Variants in C11orf54 observed in about 807,000 individuals in gnomAD.
C11orf54 encodes beta-keto-L-gulonate decarboxylase.
C11orf54 carries 29 observed loss-of-function variants against 35.5 expected under a neutral mutation model. The observed-to-expected ratio is 0.82, with a 90% confidence interval of 0.61 to 1.11. The LOEUF (loss-of-function observed/expected upper bound fraction) is 1.11, where lower values mean the gene tolerates loss of function less well. Ranked by LOEUF, C11orf54 falls within the 50% of genes most tolerant of loss-of-function variation. The pLI is 0.00. For synonymous variants in C11orf54, 108 were observed against 121.1 expected, an observed-to-expected ratio of 0.89 and a Z score of 0.71; for missense variants, 373 against 369.2, an observed-to-expected ratio of 1.01 and a Z score of -0.08.
intron 7 of C11orf54, among the ~76,000 whole-genome samples, chr11:93,759,430 G>A (rs1565274823): frequency 6.6e-6 from 1 of 152,262 alleles, no homozygotes; most frequent in Admixed American, 6.5e-5. Flanking sequence ...TCACTCATAA[G>A]TGGGTTGTTG....
intron 1 of C11orf54, among the ~76,000 whole-genome samples, chr11:93,743,393 C>T (rs1208029066): frequency 6.6e-6 from 1 of 152,218 alleles, no homozygotes; most frequent in Non-Finnish European, 1.5e-5. Context: ...TCCTCTGACC[C>T]CTTCGTGGGT....
rs968647432 is a variant in C11orf54 at position 93,764,027 on chromosome 11, T to A, written c.*2339T>A. On this transcript the variant is annotated 3_prime_UTR_variant, in exon 9 of 9. Transcript: ENST00000354421. ...TTTTTTTAAAGAGATGGTGTCTCAC[T>A]ATGTTGCCCAGGCTGGGCTCAAGTC... 3 of 152,198 alleles carry A rather than the reference T, an allele frequency of 2.0e-5. No homozygotes were observed. Among genetic ancestry groups the A allele is most frequent in the Admixed American group, 6.5e-5 (1 of 15,276 alleles). The allele number at this position is 152,198 out of a possible 1,614,324, so 9.4% of individuals were successfully genotyped here. A position where few individuals can be genotyped will look rare whatever the true frequency, so the allele number is the denominator to read the frequency against.
At chr11:93,748,451 T>C (rs1212039054) in intron 2 of C11orf54, among the ~76,000 whole-genome samples, 1 of 152,148 alleles carries the variant, frequency 6.6e-6, no homozygotes, top group East Asian at 1.9e-4. Context: ...CTTGGCCAGA[T>C]TTTTTCTTTG....
intron 2 of C11orf54, among the ~76,000 whole-genome samples, chr11:93,749,429 A>G (rs1403301151): frequency 6.7e-6 from 1 of 149,628 alleles, no homozygotes; most frequent in African/African-American, 2.4e-5. Context: ...TGAGTGAGCC[A>G]AGATCATGCT....
intron 2 of C11orf54, 129 bp from the exon 3 acceptor site, chr11:93,750,217 C>T: frequency 1.6e-6 from 1 of 641,664 alleles, no homozygotes; most frequent in Non-Finnish European, 2.7e-6. Context: ...ATTAATAAGA[C>T]CATTTCCCCC....
At chr11:93,745,684 TTATA>T (rs1346356745) in intron 1 of C11orf54, 1 of 152,258 alleles carries the variant, frequency 6.6e-6, no homozygotes, top group African/African-American at 2.4e-5. Context: ...TTAAGTATGA[TTATA>T]TAAGATTTGG....
chr11:93,760,598 C>T (rs1245026859), intron 8 of C11orf54, among the ~76,000 whole-genome samples: 2 of 152,162 alleles, frequency 1.3e-5, no homozygotes, highest in East Asian at 3.9e-4. Context: ...ATACTATACG[C>T]TAGAAAAAAT....
intron 3 of C11orf54, among the ~76,000 whole-genome samples, chr11:93,753,256 C>T (rs892271014): frequency 1.3e-5 from 2 of 152,148 alleles, no homozygotes; most frequent in African/African-American, 4.8e-5. Flanking sequence ...GGATTGCAGG[C>T]GTGAGCCACC....
Position 93,747,311 on chromosome 11 carries a change from A to T in C11orf54, c.-83A>T. The T allele has an allele frequency of 1.9e-6, 2 of 1,052,280 alleles. No individual in the cohort carries two copies. The highest frequency in any genetic ancestry group is 2.7e-6 in the Non-Finnish European group (2 of 728,804). 65.2% of individuals were successfully genotyped at this position (1,052,280 alleles called of 1,614,324 possible). On this transcript the variant is annotated 5_prime_UTR_variant, in exon 2 of 9. Transcript: ENST00000354421. ...TTCATTTCCAGAACAGAAACTGTTC[A>T]TACTTGGTGCGCTGTGGACTCTTGT...
intron 7 of C11orf54, among the ~76,000 whole-genome samples, chr11:93,758,189 A>G (rs544307447): frequency 1.3e-5 from 2 of 152,140 alleles, no homozygotes; most frequent in African/African-American, 2.4e-5. Flanking sequence ...GGCTGAGGCT[A>G]CACACTCTAT....
chr11:93,742,124 T>G (rs1009236713), intron 1 of C11orf54: 1 of 153,932 alleles, frequency 6.5e-6, no homozygotes, highest in African/African-American at 2.4e-5. Flanking sequence ...CTCCCAGGAG[T>G]TGGCTAACAT....
At position 93,747,266 on chromosome 11, in the gene C11orf54, A is replaced by G. The variant is rs184882590; in HGVS notation, c.-97-31A>G. 232 of 590,774 alleles carry G rather than the reference A, an allele frequency of 3.9e-4. No individual in the cohort carries two copies. The East Asian group carries it at 6.8e-3, about 17-fold the overall frequency. 36.6% of individuals were successfully genotyped at this position (590,774 alleles called of 1,614,324 possible). On this transcript the variant is annotated intron_variant, in intron 1 of 8. Transcript: ENST00000354421. ...ACCTAAATGCCCTTTTGTTCTGTTTATATGTTTGAATGCTCAATGTTCATT... is the reference window on the plus strand; with the variant it reads ...ACCTAAATGCCCTTTTGTTCTGTTTGTATGTTTGAATGCTCAATGTTCATT...
At position 93,764,314 on chromosome 11, in the gene C11orf54, A is replaced by G. The variant is rs1474879113; in HGVS notation, c.*2626A>G. ...ATCTGAAGCAGTCCTGGGCCTCTTC[A>G]CACTACAGATACCAACACTGCCTTT... On this transcript the variant is annotated 3_prime_UTR_variant, in exon 9 of 9. Coordinates refer to ENST00000354421, the MANE Select transcript of C11orf54 (RefSeq NM_001286069.2). The G allele has an allele frequency of 6.6e-6, 1 of 152,248 alleles. No homozygotes were observed. Among genetic ancestry groups the G allele is most frequent in the Non-Finnish European group, 1.5e-5 (1 of 68,066 alleles). 9.4% of individuals were successfully genotyped at this position (152,248 alleles called of 1,614,324 possible). A position where few individuals can be genotyped will look rare whatever the true frequency, so the allele number is the denominator to read the frequency against.
rs761356488 is a variant in C11orf54 at position 93,753,677 on chromosome 11, C to T, written c.155-5C>T. 6.8e-6 allele frequency: 11 copies of T among 1,610,764 alleles called. No individual in the cohort carries two copies. The highest frequency in any genetic ancestry group is 9.3e-6 in the Non-Finnish European group (11 of 1,178,470). ...TTGTGTTTTTGTTTTTTGGTTTTTTCTTAGGCATCTGTGGGAAAACTAGAA... is the reference window on the plus strand; with the variant it reads ...TTGTGTTTTTGTTTTTTGGTTTTTTTTTAGGCATCTGTGGGAAAACTAGAA... On this transcript the variant is annotated splice_polypyrimidine_tract_variant and splice_region_variant and intron_variant, in intron 3 of 8. Transcript: ENST00000354421.
chr11:93,753,368 T>A (rs1459907917), intron 3 of C11orf54, among the ~76,000 whole-genome samples: 6 of 152,006 alleles, frequency 3.9e-5, no homozygotes, highest in Non-Finnish European at 4.4e-5. Flanking sequence ...AGATTTTTTT[T>A]AAAGAAATAA....
intron 1 of C11orf54, chr11:93,742,816 G>A (rs1308369816): frequency 6.6e-6 from 1 of 152,108 alleles, no homozygotes; most frequent in Non-Finnish European, 1.5e-5. Context: ...GGACTGGTAT[G>A]GCATGTCCCT....
At chr11:93,749,235 A>G (rs1049309538) in intron 2 of C11orf54, among the ~76,000 whole-genome samples, 1 of 151,956 alleles carries the variant, frequency 6.6e-6, no homozygotes, top group Non-Finnish European at 1.5e-5. Flanking sequence ...TAATTCCAGC[A>G]TTTTGGGAGG....
chr11:93,755,429 A>G, intron 6 of C11orf54, 43 bp downstream of exon 6: 1 of 1,580,396 alleles, frequency 6.3e-7, no homozygotes, highest in South Asian at 1.1e-5. Flanking sequence ...AAATGTTCTC[A>G]GAAAGCTAAA....
chr11:93,748,246 TG>T (rs1176418306), intron 2 of C11orf54, among the ~76,000 whole-genome samples: 4 of 152,296 alleles, frequency 2.6e-5, no homozygotes, highest in African/African-American at 9.6e-5. Context: ...CTGTATTGTT[TG>T]GCCTGTATTT....
Sources: gnomAD v4.1 joint callset for allele counts (sites outside exome capture counted in the v4.1 genomes callset) on GRCh38, gnomAD v4.1.1 for gene constraint, MANE v1.5 for transcripts, NCBI Gene and HGNC (gene_info 2026-07-23, HGNC 2026-07-21) for gene names.